Variants in ZEB2 observed in about 807,000 individuals in gnomAD.
ZEB2 encodes the protein zinc finger E-box-binding homeobox 2.
ZEB2 carries 6 observed loss-of-function variants against 99.9 expected under a neutral mutation model. That is an observed-to-expected ratio of 0.06 (90% CI 0.03 to 0.12). The LOEUF (loss-of-function observed/expected upper bound fraction) is 0.12. Among genes scored for constraint, ZEB2 ranks in the 10% least tolerant of loss-of-function variants. The pLI, the probability that ZEB2 is intolerant of heterozygous loss-of-function variation, is 1.00. For synonymous variants in ZEB2, 517 were observed against 542.5 expected (o/e 0.95, Z 0.65); for missense variants, 969 against 1,502.8 (o/e 0.64, Z 5.87).
intron 2 of ZEB2, among the ~76,000 whole-genome samples, chr2:144,440,513 ATATTTTTTTTTTTT>A (rs1185406053): frequency 0.012 from 284 of 24,010 alleles, no homozygotes; most frequent in South Asian, 0.037. Context: ...ATATATATAT[ATATTTTTTTTTTTT>A]TTTTTTTTTT....
intron 2 of ZEB2, among the ~76,000 whole-genome samples, chr2:144,498,631 C>T (rs1023073476): frequency 6.6e-6 from 1 of 152,104 alleles, no homozygotes; most frequent in Non-Finnish European, 1.5e-5. Context: ...TTTATTTCTA[C>T]TTGTAATATT....
intron 4 of ZEB2, among the ~76,000 whole-genome samples, chr2:144,423,152 A>G (rs1035381196): frequency 6.6e-6 from 1 of 152,248 alleles, no homozygotes; most frequent in Non-Finnish European, 1.5e-5. Context: ...CCTTCTGAAT[A>G]GAAGCAATTT....
intron 1 of ZEB2, chr2:144,517,946 GC>G: frequency 2.6e-6 from 1 of 383,616 alleles, no homozygotes; most frequent in Non-Finnish European, 4.8e-6. Flanking sequence ...CTCGCCCAGC[GC>G]CCCCTCCCCT....
intron 2 of ZEB2, among the ~76,000 whole-genome samples, chr2:144,435,071 T>G (rs2149893403): frequency 6.6e-6 from 1 of 152,340 alleles, no homozygotes; most frequent in South Asian, 2.1e-4. Flanking sequence ...ATTGTTTCAG[T>G]GTCTGTTGTC....
At chr2:144,513,677 AG>A in intron 2 of ZEB2, 1 of 1,535,350 alleles carries the variant, frequency 6.5e-7, no homozygotes, top group Non-Finnish European at 8.7e-7. Flanking sequence ...GGAGCATCCC[AG>A]GACCCGCTGC....
intron 4 of ZEB2, among the ~76,000 whole-genome samples, chr2:144,419,634 C>A (rs1316485127): frequency 6.6e-6 from 1 of 152,170 alleles, no homozygotes; most frequent in Non-Finnish European, 1.5e-5. Flanking sequence ...TTTCTCTACT[C>A]TTCTTAGAAA....
chr2:144,425,560 C>G (rs1560618830), intron 3 of ZEB2, among the ~76,000 whole-genome samples: 2 of 152,110 alleles, frequency 1.3e-5, no homozygotes, highest in South Asian at 4.1e-4. Context: ...TATATAACAA[C>G]AGCTCAGTGT....
At position 144,514,741 on chromosome 2, in the gene ZEB2, G is replaced by GA. The variant is rs566529571; in HGVS notation, c.73+2536dup. Among the ~76,000 whole-genome samples, 518 of 152,200 alleles carry GA rather than the reference G, an allele frequency of 3.4e-3. 4 individuals are homozygous for GA. Among genetic ancestry groups the GA allele is most frequent in the African/African-American group, 0.012 (497 of 41,530 alleles). The stretch of plus-strand genomic sequence containing the variant: ...AGCATGTTTTCCCACAGCTTATTTG[G>GA]AAAAAAAGACAGGTAACAGTCAAAG... On this transcript the variant is annotated intron_variant, in intron 2 of 9. Transcript: ENST00000627532.
At position 144,441,164 on chromosome 2, in the gene ZEB2, CGAGAGAGA is replaced by C. The variant is rs113731061; in HGVS notation, c.74-11146_74-11139del. On this transcript the variant is annotated intron_variant, in intron 2 of 9. Coordinates refer to ENST00000627532, the MANE Select transcript of ZEB2 (RefSeq NM_014795.4). ...CCTTCCTTCTCTTCCTTTAGCTGCA[CGAGAGAGA>C]GAGAGAGAGAGAGAGAGAGAGAGAG... Among the ~76,000 whole-genome samples, 262 of 88,920 alleles carry C rather than the reference CGAGAGAGA, an allele frequency of 2.9e-3. 4 individuals carry two copies. In the South Asian group the frequency reaches 0.033, roughly 11 times the overall value. 58.3% of individuals were successfully genotyped at this position (88,920 alleles called of 152,430 possible). A position where few individuals can be genotyped will look rare whatever the true frequency, so the allele number is the denominator to read the frequency against.
chr2:144,427,988 C>T (rs1703711487), intron 3 of ZEB2: 1 of 152,176 alleles, frequency 6.6e-6, no homozygotes, highest in Non-Finnish European at 1.5e-5. Flanking sequence ...CAATCACAAA[C>T]TACTACAGCT....
intron 4 of ZEB2, among the ~76,000 whole-genome samples, chr2:144,418,458 G>GC (rs1416421514): frequency 6.6e-6 from 1 of 152,124 alleles, no homozygotes; most frequent in Non-Finnish European, 1.5e-5. Flanking sequence ...GGAGGCTGAG[G>GC]CGGGGGGACA....
intron 2 of ZEB2, among the ~76,000 whole-genome samples, chr2:144,460,364 TTC>T (rs901907630): frequency 6.6e-6 from 1 of 152,044 alleles, no homozygotes; most frequent in Admixed American, 6.6e-5. Flanking sequence ...TTTCTTTTCT[TTC>T]TCTCTCTCTC....
At chr2:144,397,512 A>G (rs1416551618) in intron 8 of ZEB2, among the ~76,000 whole-genome samples, 1 of 152,248 alleles carries the variant, frequency 6.6e-6, no homozygotes, top group African/African-American at 2.4e-5. Flanking sequence ...TACTTTGAAG[A>G]TTTGGTAAGA....
At chr2:144,470,262 TG>T (rs1183619563) in intron 2 of ZEB2, among the ~76,000 whole-genome samples, 1 of 152,170 alleles carries the variant, frequency 6.6e-6, no homozygotes, top group Admixed American at 6.5e-5. Flanking sequence ...CTTAAACAAA[TG>T]TTTCAACTTG....
At chr2:144,419,968 C>G (rs957673806) in intron 4 of ZEB2, among the ~76,000 whole-genome samples, 2 of 152,096 alleles carry the variant, frequency 1.3e-5, no homozygotes, top group Non-Finnish European at 2.9e-5. Context: ...AAGGCAAAAT[C>G]CTTCAGGGAC....
intron 6 of ZEB2, 111 bp from the exon 7 acceptor site, chr2:144,401,418 G>A (rs920009165): frequency 3.2e-6 from 3 of 949,198 alleles, no homozygotes; most frequent in African/African-American, 3.2e-5. Context: ...AGGTTTGAGT[G>A]CATGCTTATT....
At chr2:144,396,662 G>A (rs1703234012) in intron 8 of ZEB2, 70 bp from the exon 9 acceptor site, 1 of 1,536,890 alleles carries the variant, frequency 6.5e-7, no homozygotes, top group Admixed American at 1.8e-5. Context: ...TTCACATAGG[G>A]GGACATTTGG....
In ZEB2 at chr2:144,498,185, A is replaced by C. The variant is rs1704815851; in HGVS notation, c.73+19093T>G. ...AAACATTGGTGGCATCTCACAAGTA[A>C]CTCCACATTGCCCTGCTAAGCTCAT... On this transcript the variant is annotated intron_variant, in intron 2 of 9. Coordinates refer to ENST00000627532, the MANE Select transcript of ZEB2 (RefSeq NM_014795.4). Among the ~76,000 whole-genome samples the C allele has an allele frequency of 1.6e-5, 2 of 126,324 alleles. 1 individual carries two copies. Among genetic ancestry groups the C allele is most frequent in the Non-Finnish European group, 3.2e-5 (2 of 62,840 alleles). The allele number at this position is 126,324 out of a possible 152,430, so 82.9% of individuals were successfully genotyped here.
At chr2:144,448,863 T>A (rs891323413) in intron 2 of ZEB2, 2 of 152,262 alleles carry the variant, frequency 1.3e-5, no homozygotes, top group Admixed American at 1.3e-4. Flanking sequence ...GGGCACCACA[T>A]GAGCAGGTGA....
Sources: allele counts gnomAD v4.1 joint callset (sites outside exome capture counted in the v4.1 genomes callset), GRCh38; gene constraint gnomAD v4.1.1; transcripts MANE v1.5; gene names NCBI Gene and HGNC (gene_info 2026-07-23, HGNC 2026-07-21).